Variants in STAM observed in about 807,000 individuals in gnomAD.
The protein encoded by STAM is signal transducing adapter molecule 1.
In STAM, 16 loss-of-function variants were observed where a neutral mutation model predicts 63.4. The observed-to-expected ratio is 0.25, with a 90% CI of 0.17 to 0.38. The LOEUF (loss-of-function observed/expected upper bound fraction) is 0.38. Ranked by LOEUF, STAM falls within the 10% of genes least tolerant of loss-of-function variation. STAM has a pLI of 1.00. For missense variants in STAM, 636 were observed against 657.1 expected (o/e 0.97, Z 0.35); for synonymous variants, 238 against 223.9 (o/e 1.06, Z -0.56).
chr10:17,661,501 G>T (rs7079026), intron 2 of STAM, among the ~76,000 whole-genome samples: 92,696 of 151,992 alleles, frequency 0.61, 29,105 homozygotes, highest in African/African-American at 0.76. Context: ...ATCTGTATTT[G>T]CAGCTCTTCT....
intron 1 of STAM, among the ~76,000 whole-genome samples, chr10:17,645,234 A>C (rs1554820685): frequency 6.6e-6 from 1 of 152,172 alleles, no homozygotes; most frequent in African/African-American, 2.4e-5. Context: ...CTACCTTGGC[A>C]CACAAGTGTG....
chr10:17,681,645 A>G (rs1050905623), intron 2 of STAM, among the ~76,000 whole-genome samples: 3 of 152,204 alleles, frequency 2.0e-5, no homozygotes, highest in Non-Finnish European at 4.4e-5. Flanking sequence ...TTTTGAGGCT[A>G]TCCTTTTGAC....
chr10:17,693,579 G>C (rs1695151047), intron 6 of STAM, among the ~76,000 whole-genome samples: 1 of 152,110 alleles, frequency 6.6e-6, no homozygotes, highest in South Asian at 2.1e-4. Flanking sequence ...GTTTTTTGTA[G>C]ATAGTACACG....
intron 9 of STAM, among the ~76,000 whole-genome samples, chr10:17,704,074 T>C (rs73603889): frequency 0.012 from 1,783 of 152,340 alleles, 39 homozygotes; most frequent in African/African-American, 0.041. Context: ...TAAGAGAATC[T>C]CTGTTAGCAG....
rs150761402 is a variant in STAM, at chr10:17,712,861, CGGAGCGGTG to C, written c.1386-1673_1386-1665del. Among the ~76,000 whole-genome samples the C allele has an allele frequency of 4.9e-3, 740 of 152,080 alleles. 20 individuals are homozygous for C. The highest frequency in any genetic ancestry group is 0.04 in the East Asian group (206 of 5,158). ...GGACTTGAGATGGGAGTACTGGCAG[CGGAGCGGTG>C]GGAGCGGTAGGGAAGCTCAGTACGT... On this transcript the variant is annotated intron_variant, in intron 13 of 13. Transcript: ENST00000377524.
intron 2 of STAM, among the ~76,000 whole-genome samples, chr10:17,661,923 T>C (rs1834186149): frequency 6.6e-6 from 1 of 152,220 alleles, no homozygotes; most frequent in African/African-American, 2.4e-5. Context: ...TTGTTGTATT[T>C]ACATTTTAGT....
chr10:17,648,593 C>T (rs1554821184), intron 1 of STAM, among the ~76,000 whole-genome samples: 1 of 152,158 alleles, frequency 6.6e-6, no homozygotes, highest in African/African-American at 2.4e-5. Context: ...TCAGCGAGAC[C>T]ACAAACCCAC....
In STAM at chr10:17,650,453, T is replaced by G. The variant is rs79796581; in HGVS notation, c.40+6074T>G. ...ACCATTTGAAATTTTTCTTCTCAAT[T>G]ATGCTTTTTGTCTGTTTTGATAGTT... On this transcript the variant is annotated intron_variant, in intron 1 of 13. Transcript: ENST00000377524. Among the ~76,000 whole-genome samples, 1,320 of 152,334 alleles carry G rather than the reference T, an allele frequency of 8.7e-3. 21 individuals are homozygous for G. Among genetic ancestry groups the G allele is most frequent in the African/African-American group, 0.03 (1,243 of 41,580 alleles).
chr10:17,655,510 G>A (rs1336391893), intron 1 of STAM, among the ~76,000 whole-genome samples: 4 of 152,088 alleles, frequency 2.6e-5, no homozygotes, highest in Admixed American at 2.6e-4. Context: ...TAACTAGCAG[G>A]TGATGCTGTG....
intron 1 of STAM, among the ~76,000 whole-genome samples, chr10:17,655,106 A>T (rs1833887121): frequency 6.6e-6 from 1 of 152,044 alleles, no homozygotes; most frequent in Admixed American, 6.5e-5. Flanking sequence ...CAGGATCTTT[A>T]CCTGTCTTTC....
chr10:17,702,092 C>G (rs868976421), intron 9 of STAM, among the ~76,000 whole-genome samples: 1 of 152,090 alleles, frequency 6.6e-6, no homozygotes, highest in Non-Finnish European at 1.5e-5. Flanking sequence ...TCACTTTCAA[C>G]TATAAAAACA....
intron 2 of STAM, among the ~76,000 whole-genome samples, chr10:17,667,439 A>T (rs531382881): frequency 2.0e-5 from 3 of 152,106 alleles, no homozygotes; most frequent in Non-Finnish European, 2.9e-5. Flanking sequence ...TTTTTTTTTT[A>T]AAACGTGATC....
In STAM at chr10:17,681,701, G is replaced by A. The variant is rs569516062; in HGVS notation, c.126-2974G>A. On this transcript the variant is annotated intron_variant, in intron 2 of 13. Transcript: ENST00000377524. ...TTATGTTATCTGAATTTATTGGGAGGCATATCTGTGTCCAGAACATAGCAT... is the reference window on the plus strand; with the variant it reads ...TTATGTTATCTGAATTTATTGGGAGACATATCTGTGTCCAGAACATAGCAT... Among the ~76,000 whole-genome samples, 25 of 152,246 alleles carry A rather than the reference G, an allele frequency of 1.6e-4. No individual in the cohort carries two copies. The South Asian group carries it at 5.0e-3, about 30-fold the overall frequency.
chr10:17,703,023 A>AAAAAGAAAAG (rs1159607207), intron 9 of STAM, among the ~76,000 whole-genome samples: 8 of 114,262 alleles, frequency 7.0e-5, no homozygotes, highest in African/African-American at 2.5e-4. Flanking sequence ...AAAAAAAAAA[A>AAAAAGAAAAG]AAAAGAAAAG....
chr10:17,694,710 A>T (rs1427701421), intron 6 of STAM, among the ~76,000 whole-genome samples: 1 of 152,102 alleles, frequency 6.6e-6, no homozygotes, highest in Non-Finnish European at 1.5e-5. Flanking sequence ...TTTGATGATT[A>T]TTTTGAAAAA....
intron 12 of STAM, among the ~76,000 whole-genome samples, chr10:17,707,718 G>C (rs1272606159): frequency 6.6e-6 from 1 of 152,116 alleles, no homozygotes; most frequent in African/African-American, 2.4e-5. Flanking sequence ...CCCTGTGTGG[G>C]TCTGTCGTTT....
rs540231703 is a variant in STAM at position 17,716,586 on chromosome 10, A to G, written c.*1806A>G. 1.8e-4 allele frequency among the ~76,000 whole-genome samples: 27 copies of G among 152,140 alleles called. No homozygotes were observed. The highest frequency in any genetic ancestry group is 6.3e-4 in the African/African-American group (26 of 41,500). On this transcript the variant is annotated 3_prime_UTR_variant, in exon 14 of 14. Coordinates refer to ENST00000377524, the MANE Select transcript of STAM (RefSeq NM_003473.4). ...GGTTTAACTGATATACTTTTCTGCA[A>G]TTTTTCTTTGTCTTTTGATAAATTC...
intron 5 of STAM, among the ~76,000 whole-genome samples, chr10:17,688,423 GGTTTAACAT>G (rs1265902647): frequency 6.6e-6 from 1 of 151,958 alleles, no homozygotes; most frequent in Non-Finnish European, 1.5e-5. Flanking sequence ...TAAACGAATT[GGTTTAACAT>G]TTTGCAGTTT....
chr10:17,661,792 T>C (rs1834178204), intron 2 of STAM, among the ~76,000 whole-genome samples: 1 of 152,176 alleles, frequency 6.6e-6, no homozygotes, highest in Non-Finnish European at 1.5e-5. Flanking sequence ...CATAGCCAAA[T>C]GGTGCAGAGG....
Sources: gnomAD v4.1 joint callset for allele counts (sites outside exome capture counted in the v4.1 genomes callset) on GRCh38, gnomAD v4.1.1 for gene constraint, MANE v1.5 for transcripts, NCBI Gene and HGNC (gene_info 2026-07-23, HGNC 2026-07-21) for gene names.